Variants in XKR5 observed in about 807,000 individuals in gnomAD.
The protein encoded by XKR5 is XK-related protein 5.
A neutral mutation model predicts 40.8 loss-of-function variants in XKR5; 46 were observed. That is an observed-to-expected ratio of 1.13 (90% CI 0.89 to 1.44). The LOEUF is 1.44. XKR5 is among the 40% of genes most tolerant of loss of function. The pLI, the probability that XKR5 is intolerant of heterozygous loss-of-function variation, is 0.00. For synonymous variants in XKR5, 466 were observed against 356.1 expected (o/e 1.31, Z -3.48); for missense variants, 1,169 against 844.7 (o/e 1.38, Z -4.76).
intron 2 of XKR5, among the ~76,000 whole-genome samples, chr8:6,830,610 C>G (rs1804722074): frequency 1.3e-5 from 2 of 152,266 alleles, no homozygotes; most frequent in Admixed American, 6.5e-5. Context: ...GATACCTGGC[C>G]TTTCTCATTT....
chr8:6,834,841 G>A (rs1272948736), intron 1 of XKR5, among the ~76,000 whole-genome samples: 1 of 151,968 alleles, frequency 6.6e-6, no homozygotes, highest in African/African-American at 2.4e-5. Flanking sequence ...GGTTCCCCCT[G>A]CGACGGAGGT....
At chr8:6,834,669 C>CTG (rs201830215) in intron 1 of XKR5, among the ~76,000 whole-genome samples, 2,468 of 152,092 alleles carry the variant, frequency 0.016, 35 homozygotes, top group Middle Eastern at 0.031. Context: ...CCCAGGGTAC[C>CTG]CCCTCTTCCA....
chr8:6,811,071 A>G lies in XKR5; in HGVS notation c.*127T>C. On this transcript the variant is annotated 3_prime_UTR_variant, in exon 7 of 7. Coordinates refer to ENST00000618742, the MANE Select transcript of XKR5 (RefSeq NM_207411.5). ...GTTTCTTCATTTTTCAGGGATGCAG[A>G]TGGAGATTCAGAGGTGACAGTGATG... 2 of 964,384 alleles carry G rather than the reference A, an allele frequency of 2.1e-6. No homozygotes were observed. Among genetic ancestry groups the G allele is most frequent in the Non-Finnish European group, 3.0e-6 (2 of 671,910 alleles). The allele number at this position is 964,384 out of a possible 1,614,324, so 59.7% of individuals were successfully genotyped here. A position where few individuals can be genotyped will look rare whatever the true frequency, so the allele number is the denominator to read the frequency against.
At chr8:6,831,753 C>T (rs530739193) in intron 2 of XKR5, among the ~76,000 whole-genome samples, 23 of 152,262 alleles carry the variant, frequency 1.5e-4, no homozygotes, top group African/African-American at 3.1e-4. Flanking sequence ...CAGTGGCTCA[C>T]GCCTGTAATC....
At position 6,808,979 on chromosome 8, in the gene XKR5, G is replaced by T. The variant is rs1277355495; in HGVS notation, c.*2219C>A. ...GCTGGACCTTGGAGTTAGCCCAGAA[G>T]GAGGACTGCAACCCTTAATTAGCCT... On this transcript the variant is annotated 3_prime_UTR_variant, in exon 7 of 7. Coordinates refer to ENST00000618742, the MANE Select transcript of XKR5 (RefSeq NM_207411.5). The T allele has an allele frequency of 1.3e-5, 2 of 152,254 alleles. No homozygotes were observed. The highest frequency in any genetic ancestry group is 4.8e-5 in the African/African-American group (2 of 41,450). The allele number at this position is 152,254 out of a possible 1,614,324, so 9.4% of individuals were successfully genotyped here.
chr8:6,819,334 C>T lies in XKR5; in HGVS notation c.807+2535G>A, dbSNP rs116620657. ...AAGGTAATGCTTTCGGATGGCAGCA[C>T]GGGTCTGTGCCAGCAGGGTGCACAT... On this transcript the variant is annotated intron_variant, in intron 5 of 6. Transcript: ENST00000618742. 6.1e-3 allele frequency among the ~76,000 whole-genome samples: 925 copies of T among 152,336 alleles called. 5 individuals carry two copies. The highest frequency in any genetic ancestry group is 0.021 in the African/African-American group (889 of 41,586).
rs1298454728 is a variant in XKR5 at position 6,810,815 on chromosome 8, G to T, written c.*383C>A. Reference sequence around the variant, plus strand: ...GAGATTCATAACCGCTAAATGTGAGGCAAAGCTAATTGTAACAAGAACCTC... The same window carrying T: ...GAGATTCATAACCGCTAAATGTGAGTCAAAGCTAATTGTAACAAGAACCTC... On this transcript the variant is annotated 3_prime_UTR_variant, in exon 7 of 7. Transcript: ENST00000618742. 5.9e-6 allele frequency: 1 copy of T among 170,084 alleles called. No homozygotes were observed. Among genetic ancestry groups the T allele is most frequent in the Non-Finnish European group, 1.3e-5 (1 of 79,434 alleles). 10.5% of individuals were successfully genotyped at this position (170,084 alleles called of 1,614,324 possible). A position where few individuals can be genotyped will look rare whatever the true frequency, so the allele number is the denominator to read the frequency against.
chr8:6,825,166 T>C lies in XKR5; in HGVS notation c.426A>G (p.Pro142=), dbSNP rs747109719. ...TGCTCTGTGGTGACAGTTACTCACC[T>C]GGCACAATATCTGTGAAGTCTGAGG... ...FLASDFTDIV[P]GVSTLFSWSS... Residue 142 remains proline, a splice_region_variant and synonymous_variant, in exon 3 of 7, where the codon CCA becomes CCG. Coordinates refer to ENST00000618742, the MANE Select transcript of XKR5 (RefSeq NM_207411.5). 1 of 1,613,588 alleles carries C rather than the reference T, an allele frequency of 6.2e-7. No homozygotes were observed. The highest frequency in any genetic ancestry group is 8.5e-7 in the Non-Finnish European group (1 of 1,179,716).
Position 6,811,788 on chromosome 8 carries a change from C to T in XKR5, c.1471G>A (p.Ala491Thr). The stretch of plus-strand genomic sequence containing the variant: ...GGTGCTTCATCCTGCTGATCGCTGG[C>T]AAAAGATACGTAACTTGAGGTTTCC... ...PLETSSYVSF[A>T]SDQQDEAPTQ... Residue 491 changes from alanine to threonine, a missense_variant, in exon 7 of 7, where the codon GCC becomes ACC. By Grantham distance (58) the Ala-to-Thr change is moderately conservative (BLOSUM62 0). Transcript: ENST00000618742. The T allele has an allele frequency of 1.3e-6, 2 of 1,537,650 alleles. No homozygotes were observed. Among genetic ancestry groups the T allele is most frequent in the Non-Finnish European group, 1.7e-6 (2 of 1,147,020 alleles).
chr8:6,819,175 C>T (rs1487048301), intron 5 of XKR5, among the ~76,000 whole-genome samples: 2 of 152,246 alleles, frequency 1.3e-5, no homozygotes, highest in Admixed American at 6.5e-5. Context: ...CTACGCTGCC[C>T]AAGTCTGGGG....
chr8:6,833,513 TCGA>T, intron 1 of XKR5, among the ~76,000 whole-genome samples: 2 of 152,328 alleles, frequency 1.3e-5, no homozygotes, highest in Admixed American at 1.3e-4. Flanking sequence ...GGCAGATTGC[TCGA>T]CGTCAGGAGT....
In XKR5 at chr8:6,811,930, G is replaced by A. The variant is rs1803722379; in HGVS notation, c.1329C>T (p.Tyr443=). Reference sequence around the variant, plus strand: ...GGGCAGACAAGGCCTTTCTCTGCAGGTAGTCCTGTTGACTCAACCCCCATG... The same window carrying A: ...GGGCAGACAAGGCCTTTCTCTGCAGATAGTCCTGTTGACTCAACCCCCATG... ...PPAWGLSQQD[Y]LQRKALSAQQ... is the part of the protein sequence containing the mutation. The change falls in exon 7 of 7, where the codon TAC becomes TAT. Residue 443 remains tyrosine, a synonymous_variant. Coordinates refer to ENST00000618742, the MANE Select transcript of XKR5 (RefSeq NM_207411.5). 2.0e-6 allele frequency: 3 copies of A among 1,537,260 alleles called. No individual in the cohort carries two copies. The highest frequency in any genetic ancestry group is 1.4e-5 in the African/African-American group (1 of 73,066).
At chr8:6,823,196 G>A (rs956087168) in intron 4 of XKR5, among the ~76,000 whole-genome samples, 1 of 152,162 alleles carries the variant, frequency 6.6e-6, no homozygotes. Context: ...TTGAATCTGG[G>A]CTGGTTGTGC....
intron 6 of XKR5, among the ~76,000 whole-genome samples, chr8:6,815,087 C>T (rs1436523352): frequency 1.3e-5 from 2 of 152,234 alleles, no homozygotes; most frequent in East Asian, 1.9e-4. Flanking sequence ...GTGAGAGGTG[C>T]AGGTGCTGGC....
chr8:6,812,924 G>T (rs746745591), intron 6 of XKR5, among the ~76,000 whole-genome samples: 1 of 152,230 alleles, frequency 6.6e-6, no homozygotes, highest in African/African-American at 2.4e-5. Context: ...TCACATTGTT[G>T]TCAGTTTAAT....
intron 6 of XKR5, among the ~76,000 whole-genome samples, chr8:6,813,614 G>A (rs945289601): frequency 6.6e-6 from 1 of 152,198 alleles, no homozygotes; most frequent in African/African-American, 2.4e-5. Context: ...CCCAAGGGTC[G>A]GCTGGGAGTC....
chr8:6,825,948 C>A (rs549269528), intron 2 of XKR5, among the ~76,000 whole-genome samples: 2 of 151,990 alleles, frequency 1.3e-5, no homozygotes, highest in African/African-American at 4.8e-5. Context: ...GATGTGGTCC[C>A]GGTGAAGTAG....
intron 4 of XKR5, 34 bp from the exon 5 acceptor site, chr8:6,822,072 A>T (rs1368048595): frequency 1.9e-6 from 3 of 1,567,312 alleles, no homozygotes; most frequent in Non-Finnish European, 1.7e-6. Context: ...GTCAGGGTCC[A>T]TGCAAGGAGA....
At chr8:6,822,610 G>A (rs543289438) in intron 4 of XKR5, among the ~76,000 whole-genome samples, 7 of 152,240 alleles carry the variant, frequency 4.6e-5, no homozygotes, top group African/African-American at 1.7e-4. Flanking sequence ...TTTGCTCTAG[G>A]CCCAAGGGGC....
Sources: gnomAD v4.1 joint callset for allele counts (sites outside exome capture counted in the v4.1 genomes callset) on GRCh38, gnomAD v4.1.1 for gene constraint, MANE v1.5 for transcripts, NCBI Gene and HGNC (gene_info 2026-07-23, HGNC 2026-07-21) for gene names.